The following GRID1 variants were observed in gnomAD, a reference collection of about 807,000 sequenced individuals.
GRID1 encodes the protein glutamate receptor ionotropic, delta-1.
In GRID1, 28 loss-of-function variants were observed where a neutral mutation model predicts 98.0. The observed-to-expected ratio is 0.29, with a 90% CI of 0.21 to 0.39. The LOEUF is 0.39. Among genes scored for constraint, GRID1 ranks in the 10% least tolerant of loss-of-function variants. The probability of loss-of-function intolerance (pLI) is 1.00; values close to 1 mark genes in which losing one functional copy is unlikely to be tolerated. For missense variants in GRID1, 1,111 were observed against 1,340.5 expected (o/e 0.83, Z 2.67); for synonymous variants, 553 against 538.5 (o/e 1.03, Z -0.37).
intron 13 of GRID1, among the ~76,000 whole-genome samples, chr10:85,630,976 T>C (rs544754584): frequency 6.6e-6 from 1 of 152,292 alleles, no homozygotes; most frequent in South Asian, 2.1e-4. Context: ...AGGGAAACCA[T>C]AGAGTTGAGA....
At chr10:85,844,895 C>G (rs955621783) in intron 8 of GRID1, among the ~76,000 whole-genome samples, 1 of 151,814 alleles carries the variant, frequency 6.6e-6, no homozygotes. Context: ...AAATGTAACA[C>G]TCATTCTTGA....
At chr10:85,807,028 A>T (rs1016687586) in intron 8 of GRID1, among the ~76,000 whole-genome samples, 3 of 152,164 alleles carry the variant, frequency 2.0e-5, no homozygotes, top group Admixed American at 6.6e-5. Context: ...AAAGTAAAAA[A>T]AAAATCTTGG....
At chr10:86,328,301 A>C (rs1848082596) in intron 2 of GRID1, among the ~76,000 whole-genome samples, 1 of 152,238 alleles carries the variant, frequency 6.6e-6, no homozygotes, top group Non-Finnish European at 1.5e-5. Context: ...TTTCCCTCTG[A>C]GGCAGGAAAC....
At chr10:85,804,294 A>G (rs1002599474) in intron 8 of GRID1, among the ~76,000 whole-genome samples, 1 of 151,932 alleles carries the variant, frequency 6.6e-6, no homozygotes, top group Non-Finnish European at 1.5e-5. Flanking sequence ...TGAAAAAAAA[A>G]GTTTTGAGAT....
chr10:85,920,762 G>A (rs1841692018), intron 4 of GRID1, among the ~76,000 whole-genome samples: 1 of 152,214 alleles, frequency 6.6e-6, no homozygotes, highest in African/African-American at 2.4e-5. Context: ...CCTGTGGGCG[G>A]GGAGGGAAGG....
intron 4 of GRID1, among the ~76,000 whole-genome samples, chr10:85,928,499 C>G (rs551813468): frequency 2.0e-5 from 3 of 152,320 alleles, no homozygotes; most frequent in Admixed American, 1.3e-4. Flanking sequence ...CCAAGTCACT[C>G]CAGCTGCAGA....
chr10:85,695,483 C>T (rs556309340), intron 12 of GRID1, among the ~76,000 whole-genome samples: 4 of 152,280 alleles, frequency 2.6e-5, no homozygotes, highest in South Asian at 2.1e-4. Context: ...GATGACTTAT[C>T]ACAGCTATAA....
chr10:85,783,994 G>C (rs1414451031), intron 8 of GRID1, among the ~76,000 whole-genome samples: 1 of 152,142 alleles, frequency 6.6e-6, no homozygotes, highest in Non-Finnish European at 1.5e-5. Context: ...AAGAACAAGA[G>C]CATGTAATGT....
At chr10:85,621,961 C>G (rs1912277) in intron 13 of GRID1, among the ~76,000 whole-genome samples, 96,332 of 151,978 alleles carry the variant, frequency 0.63, 31,554 homozygotes, top group African/African-American at 0.81. Flanking sequence ...ATTGTTATTT[C>G]TATGATTTCA....
At chr10:86,213,645 G>C (rs1007794236) in intron 2 of GRID1, among the ~76,000 whole-genome samples, 3 of 151,920 alleles carry the variant, frequency 2.0e-5, no homozygotes, top group African/African-American at 7.3e-5. Context: ...AACATTCCTT[G>C]CATGTTTGAC....
chr10:85,663,222 G>A (rs1840985404), intron 12 of GRID1, among the ~76,000 whole-genome samples: 1 of 152,068 alleles, frequency 6.6e-6, no homozygotes, highest in Non-Finnish European at 1.5e-5. Context: ...AGTTAAATGA[G>A]GTCATTAGAG....
In GRID1 at chr10:85,943,880, G is replaced by A. The variant is rs11201842; in HGVS notation, c.727-27641C>T. The stretch of plus-strand genomic sequence containing the variant: ...GAGAGATATCTACTTCCCCAAGCCC[G>A]GAGTCTGGATTGGCTGTGTGACTTT... On this transcript the variant is annotated intron_variant, in intron 4 of 15. Transcript: ENST00000327946. Among the ~76,000 whole-genome samples, 23 of 152,346 alleles carry A rather than the reference G, an allele frequency of 1.5e-4. No homozygotes were observed. In the East Asian group the frequency reaches 2.5e-3, roughly 17 times the overall value.
At chr10:86,018,708 C>T (rs542522818) in intron 4 of GRID1, among the ~76,000 whole-genome samples, 1 of 152,188 alleles carries the variant, frequency 6.6e-6, no homozygotes, top group Non-Finnish European at 1.5e-5. Context: ...ACTTGCTGCT[C>T]GGGGAGCTCT....
At chr10:86,314,535 A>G (rs1393092134) in intron 2 of GRID1, among the ~76,000 whole-genome samples, 1 of 152,214 alleles carries the variant, frequency 6.6e-6, no homozygotes, top group African/African-American at 2.4e-5. Context: ...AGAGATGGGC[A>G]AGGAAGCTTC....
chr10:85,927,641 T>G (rs189555975), intron 4 of GRID1, among the ~76,000 whole-genome samples: 165 of 152,214 alleles, frequency 1.1e-3, no homozygotes, highest in African/African-American at 3.7e-3. Context: ...CTATACCCGG[T>G]GTTTATTTTT....
intron 4 of GRID1, among the ~76,000 whole-genome samples, chr10:86,059,224 G>A (rs1450109034): frequency 6.6e-6 from 1 of 152,220 alleles, no homozygotes; most frequent in African/African-American, 2.4e-5. Flanking sequence ...CGCTGTGTGA[G>A]TGGATATCAA....
intron 4 of GRID1, among the ~76,000 whole-genome samples, chr10:85,920,509 G>A (rs1459933591): frequency 1.3e-5 from 2 of 152,104 alleles, no homozygotes; most frequent in Non-Finnish European, 2.9e-5. Context: ...AATTCTCCTG[G>A]GTAGGGGAGT....
chr10:86,325,136 T>A (rs1255282895), intron 2 of GRID1, among the ~76,000 whole-genome samples: 1 of 152,226 alleles, frequency 6.6e-6, no homozygotes, highest in Non-Finnish European at 1.5e-5. Context: ...AACATTTTTC[T>A]TTCAGATTCA....
At chr10:86,309,871 T>A (rs1051399019) in intron 2 of GRID1, among the ~76,000 whole-genome samples, 1 of 152,222 alleles carries the variant, frequency 6.6e-6, no homozygotes, top group Non-Finnish European at 1.5e-5. Flanking sequence ...TAAGAGAGGA[T>A]GCCAGTGCCT....
Sources: allele counts gnomAD v4.1 joint callset (sites outside exome capture counted in the v4.1 genomes callset), GRCh38; gene constraint gnomAD v4.1.1; transcripts MANE v1.5; gene names NCBI Gene and HGNC (gene_info 2026-07-23, HGNC 2026-07-21).